Variants in PLEKHM3 observed in about 807,000 individuals in gnomAD.
The protein encoded by PLEKHM3 is pleckstrin homology domain-containing family M member 3.
PLEKHM3 carries 45 observed loss-of-function variants against 81.8 expected under a neutral mutation model. The observed-to-expected ratio is 0.55, with a 90% CI of 0.43 to 0.71. The LOEUF (loss-of-function observed/expected upper bound fraction) is 0.71, where lower values mean the gene tolerates loss of function less well. PLEKHM3 is among the 30% of genes least tolerant of loss of function. The pLI is 0.00. For synonymous variants in PLEKHM3, 352 were observed against 356.4 expected, an observed-to-expected ratio of 0.99 and a Z score of 0.14; for missense variants, 788 against 924.3, an observed-to-expected ratio of 0.85 and a Z score of 1.91.
In PLEKHM3 at chr2:207,929,862, A is replaced by G. The variant is rs1312351204; in HGVS notation, c.1886+1064T>C. 4.3e-6 allele frequency: 3 copies of G among 692,590 alleles called. No homozygotes were observed. In the Admixed American group the frequency reaches 6.2e-5, roughly 14 times the overall value. The allele number at this position is 692,590 out of a possible 1,614,324, so 42.9% of individuals were successfully genotyped here. ...TGGATCTCAAAACTCCATCACTTCA[A>G]TACTTTCCAAAAGTTCTTAGGCAGG... On this transcript the variant is annotated intron_variant, in intron 5 of 7. Coordinates refer to ENST00000427836, the MANE Select transcript of PLEKHM3 (RefSeq NM_001080475.3).
intron 5 of PLEKHM3, among the ~76,000 whole-genome samples, chr2:207,920,905 C>T (rs1244049433): frequency 1.3e-5 from 2 of 152,188 alleles, no homozygotes; most frequent in Non-Finnish European, 2.9e-5. Flanking sequence ...AGCTTGCCAA[C>T]GAGCACAGGA....
intron 4 of PLEKHM3, among the ~76,000 whole-genome samples, chr2:207,933,719 C>T (rs1689662103): frequency 6.6e-6 from 1 of 152,298 alleles, no homozygotes; most frequent in South Asian, 2.1e-4. Flanking sequence ...GAACAGCAGC[C>T]ACTGACATCA....
chr2:208,003,714 G>A (rs1224236458), intron 1 of PLEKHM3, among the ~76,000 whole-genome samples: 1 of 152,170 alleles, frequency 6.6e-6, no homozygotes, highest in Admixed American at 6.5e-5. Flanking sequence ...TGAGTCTAAA[G>A]TTAAACCTTC....
intron 2 of PLEKHM3, among the ~76,000 whole-genome samples, chr2:207,990,345 G>A (rs777984147): frequency 1.4e-4 from 22 of 151,990 alleles, no homozygotes; most frequent in Non-Finnish European, 2.8e-4. Context: ...TCATACATAC[G>A]CTGTGTTCTT....
At position 207,977,306 on chromosome 2, in the gene PLEKHM3, C is replaced by T. The variant is rs1396049974; in HGVS notation, c.891G>A (p.Leu297=). 2 of 1,614,056 alleles carry T rather than the reference C, an allele frequency of 1.2e-6. No individual in the cohort carries two copies. ...CTTCCCAAAGCTTCTGTCCCCAGTC[C>T]AAAGCCTCCCATGGTGACTCTGCCT... ...QLKAESPWEA[L]DWGQKLWEVV... The change falls in exon 3 of 8, where the codon TTG becomes TTA. Residue 297 remains leucine (L), a synonymous_variant. Transcript: ENST00000427836.
At chr2:207,951,935 G>A (rs1361707786) in intron 3 of PLEKHM3, among the ~76,000 whole-genome samples, 1 of 152,340 alleles carries the variant, frequency 6.6e-6, no homozygotes, top group East Asian at 1.9e-4. Flanking sequence ...GAATGAGAAA[G>A]CTGTGGCTGG....
chr2:207,890,553 G>A (rs760321535), intron 6 of PLEKHM3, among the ~76,000 whole-genome samples: 12 of 152,096 alleles, frequency 7.9e-5, no homozygotes, highest in Admixed American at 3.3e-4. Flanking sequence ...GTTTGAATCC[G>A]GATGGTGGAG....
intron 6 of PLEKHM3, among the ~76,000 whole-genome samples, chr2:207,876,777 C>A (rs967756559): frequency 6.6e-6 from 1 of 152,194 alleles, no homozygotes; most frequent in Non-Finnish European, 1.5e-5. Context: ...GTTTTAAATG[C>A]CCTCTTCCAA....
chr2:207,948,225 T>C (rs1690200858), intron 3 of PLEKHM3, among the ~76,000 whole-genome samples: 2 of 152,194 alleles, frequency 1.3e-5, no homozygotes, highest in Non-Finnish European at 2.9e-5. Context: ...CTGCGAATGT[T>C]GGAATGCTGT....
At chr2:208,008,642 C>T (rs10189041) in intron 1 of PLEKHM3, among the ~76,000 whole-genome samples, 8,172 of 152,234 alleles carry the variant, frequency 0.054, 699 homozygotes, top group African/African-American at 0.18. Flanking sequence ...CCTTGTTACA[C>T]AGCCATTAGT....
chr2:207,997,568 T>C (rs575952629), intron 2 of PLEKHM3, among the ~76,000 whole-genome samples: 1 of 152,314 alleles, frequency 6.6e-6, no homozygotes, highest in South Asian at 2.1e-4. Context: ...ACAAAACCTG[T>C]TGACCTCATC....
chr2:207,992,022 T>A (rs1691915934), intron 2 of PLEKHM3, among the ~76,000 whole-genome samples: 1 of 152,236 alleles, frequency 6.6e-6, no homozygotes, highest in South Asian at 2.1e-4. Context: ...TGAACACATT[T>A]GGAAAGAGGT....
chr2:207,952,006 T>C (rs549237513), intron 3 of PLEKHM3, among the ~76,000 whole-genome samples: 2 of 152,354 alleles, frequency 1.3e-5, no homozygotes, highest in South Asian at 2.1e-4. Flanking sequence ...TGGTCAGTTA[T>C]GCCACCCACT....
intron 7 of PLEKHM3, among the ~76,000 whole-genome samples, chr2:207,833,318 T>A (rs1236516808): frequency 1.3e-5 from 2 of 152,174 alleles, no homozygotes; most frequent in African/African-American, 4.8e-5. Flanking sequence ...GTGTGATACA[T>A]GAAATGAAAG....
At chr2:207,877,580 T>A (rs1352362181) in intron 6 of PLEKHM3, among the ~76,000 whole-genome samples, 1 of 152,138 alleles carries the variant, frequency 6.6e-6, no homozygotes, top group Non-Finnish European at 1.5e-5. Context: ...CTCAGCTAAT[T>A]GAAACTCCAA....
chr2:207,863,457 C>CA (rs1157967798), intron 6 of PLEKHM3, among the ~76,000 whole-genome samples: 2 of 152,260 alleles, frequency 1.3e-5, no homozygotes, highest in African/African-American at 4.8e-5. Context: ...CTAAGTCTTT[C>CA]ACCTTAATTT....
chr2:207,925,258 G>A (rs1441543841), intron 5 of PLEKHM3, among the ~76,000 whole-genome samples: 1 of 151,942 alleles, frequency 6.6e-6, no homozygotes, highest in Admixed American at 6.6e-5. Flanking sequence ...GAGGGATCCG[G>A]GTAGATCGCT....
intron 1 of PLEKHM3, among the ~76,000 whole-genome samples, chr2:208,009,002 C>T (rs943093736): frequency 6.6e-6 from 1 of 152,224 alleles, no homozygotes; most frequent in African/African-American, 2.4e-5. Context: ...GCTTACTAAG[C>T]TCCATTTGTC....
At chr2:207,900,056 C>T (rs557288460) in intron 6 of PLEKHM3, 1 of 152,308 alleles carries the variant, frequency 6.6e-6, no homozygotes, top group South Asian at 2.1e-4. Context: ...GCAAAACAAC[C>T]ATTTTATTAT....
Sources: gnomAD v4.1 joint callset for allele counts (sites outside exome capture counted in the v4.1 genomes callset) on GRCh38, gnomAD v4.1.1 for gene constraint, MANE v1.5 for transcripts, NCBI Gene and HGNC (gene_info 2026-07-23, HGNC 2026-07-21) for gene names.